The following DEUP1 variants were observed in gnomAD, a reference collection of about 807,000 sequenced individuals.
The protein encoded by DEUP1 is coiled-coil domain containing 67.
DEUP1 carries 82 observed loss-of-function variants against 87.4 expected under a neutral mutation model. That is an observed-to-expected ratio of 0.94 (90% confidence interval 0.78 to 1.13). The LOEUF is 1.13. Among genes scored for constraint, DEUP1 ranks in the 50% most tolerant of loss-of-function variants. The pLI, the probability that DEUP1 is intolerant of heterozygous loss-of-function variation, is 0.00. For missense variants in DEUP1, 663 were observed against 681.5 expected (o/e 0.97, Z 0.30); for synonymous variants, 214 against 222.7 (o/e 0.96, Z 0.35).
chr11:93,333,644 A>G (rs1943599900), intron 2 of DEUP1, among the ~76,000 whole-genome samples: 1 of 152,238 alleles, frequency 6.6e-6, no homozygotes. Context: ...CTGAAAAACT[A>G]GCATCCTCTA....
chr11:93,338,316 C>T (rs956430202), intron 2 of DEUP1, among the ~76,000 whole-genome samples: 1 of 151,570 alleles, frequency 6.6e-6, no homozygotes, highest in Non-Finnish European at 1.5e-5. Flanking sequence ...TCCAGGGGCC[C>T]TAGCTCTGTT....
chr11:93,354,170 C>T (rs1167588416), intron 2 of DEUP1, among the ~76,000 whole-genome samples: 1 of 152,168 alleles, frequency 6.6e-6, no homozygotes, highest in Non-Finnish European at 1.5e-5. Context: ...AATCATCTCT[C>T]TCAAGTTCAA....
chr11:93,408,586 T>C (rs2134419134), intron 12 of DEUP1, 159 bp downstream of exon 12: 1 of 480,002 alleles, frequency 2.1e-6, no homozygotes, highest in Non-Finnish European at 3.6e-6. Context: ...GCTAGATACA[T>C]TGCTTTATAA....
Position 93,408,388 on chromosome 11 carries a change from C to T in DEUP1, c.1484C>T (p.Ala495Val), listed in dbSNP as rs1344780207. The T allele has an allele frequency of 8.3e-6, 13 of 1,564,208 alleles. No individual in the cohort carries two copies. The highest frequency in any genetic ancestry group is 1.0e-5 in the Non-Finnish European group (12 of 1,154,640). ...QNTYEETGRY[A>V]YQSQIKVEQN... ...ACCTATGAAGAAACAGGAAGATATG[C>T]CTATCAAAGCCAAATAAAAGTGGAA... The change falls in exon 12 of 14, where the codon GCC becomes GTC. Residue 495 changes from alanine (A) to valine (V), a missense_variant. Transcript: ENST00000298050.
intron 7 of DEUP1, among the ~76,000 whole-genome samples, chr11:93,380,288 G>A (rs1005408704): frequency 1.3e-4 from 19 of 151,764 alleles, no homozygotes; most frequent in Non-Finnish European, 2.1e-4. Context: ...GATGTTTTCC[G>A]TAGCTAATAA....
At chr11:93,391,255 T>G (rs1479871128) in intron 9 of DEUP1, among the ~76,000 whole-genome samples, 1 of 152,226 alleles carries the variant, frequency 6.6e-6, no homozygotes, top group Admixed American at 6.5e-5. Context: ...ACATTTTCAA[T>G]AAACCAAAAG....
chr11:93,427,569 G>A (rs1234367577), intron 13 of DEUP1, among the ~76,000 whole-genome samples: 4 of 151,038 alleles, frequency 2.6e-5, no homozygotes, highest in Non-Finnish European at 5.9e-5. Flanking sequence ...GCATGGGCAA[G>A]GACTTCATGT....
At chr11:93,369,510 C>A (rs1195838475) in intron 5 of DEUP1, among the ~76,000 whole-genome samples, 3 of 150,884 alleles carry the variant, frequency 2.0e-5, no homozygotes, top group East Asian at 3.9e-4. Context: ...TGTTATAAGA[C>A]AGACTTTTTA....
At chr11:93,352,416 C>T (rs2134202838) in intron 2 of DEUP1, 1 of 702,112 alleles carries the variant, frequency 1.4e-6, no homozygotes, top group Admixed American at 2.0e-5. Flanking sequence ...GTAGTGAGAG[C>T]ACTTACCAAT....
Position 93,363,663 on chromosome 11 carries a change from G to A in DEUP1, c.298-497G>A, listed in dbSNP as rs969447828. Among the ~76,000 whole-genome samples the A allele has an allele frequency of 2.6e-5, 4 of 151,732 alleles. No individual in the cohort carries two copies. The East Asian group carries it at 7.7e-4, about 29-fold the overall frequency. On this transcript the variant is annotated intron_variant, in intron 4 of 13. Transcript: ENST00000298050. ...AGAATTATCATTAAGAAAAATATTA[G>A]ATCAATTTTGATATTAAAATTTATT...
intron 11 of DEUP1, among the ~76,000 whole-genome samples, chr11:93,407,203 A>G (rs892457636): frequency 1.4e-4 from 19 of 140,200 alleles, no homozygotes; most frequent in African/African-American, 4.6e-4. Context: ...AGTGTTAATT[A>G]TTTTGAAAAA....
chr11:93,339,837 G>A (rs1401526900), intron 2 of DEUP1, among the ~76,000 whole-genome samples: 2 of 152,168 alleles, frequency 1.3e-5, no homozygotes, highest in African/African-American at 4.8e-5. Context: ...CCACCCAGCA[G>A]TAATGAGGAG....
chr11:93,407,470 G>C (rs2134414127), intron 11 of DEUP1, among the ~76,000 whole-genome samples: 1 of 151,976 alleles, frequency 6.6e-6, no homozygotes, highest in Non-Finnish European at 1.5e-5. Context: ...ACATATGACT[G>C]TATATTGATT....
At chr11:93,353,796 A>T (rs376947835) in intron 2 of DEUP1, among the ~76,000 whole-genome samples, 54 of 152,294 alleles carry the variant, frequency 3.5e-4, no homozygotes, top group African/African-American at 1.2e-3. Context: ...AACACAGGGC[A>T]CCAAGTCCCT....
chr11:93,345,175 C>T (rs556073949), intron 2 of DEUP1, among the ~76,000 whole-genome samples: 8 of 152,272 alleles, frequency 5.3e-5, no homozygotes, highest in Non-Finnish European at 7.4e-5. Flanking sequence ...CATGTTACTG[C>T]AAAGGACATG....
rs185718614 is a variant in DEUP1 at position 93,368,792 on chromosome 11, C to T, written c.433-1281C>T. On this transcript the variant is annotated intron_variant, in intron 5 of 13. Coordinates refer to ENST00000298050, the MANE Select transcript of DEUP1 (RefSeq NM_181645.4). ...TCTACTAAAAATACAAAAAATTATC[C>T]GGGTGTAGTGGCACGTGACTGTAAT... Among the ~76,000 whole-genome samples, 175 of 152,046 alleles carry T rather than the reference C, an allele frequency of 1.2e-3. 1 individual carries two copies. The highest frequency in any genetic ancestry group is 1.6e-3 in the Non-Finnish European group (112 of 67,982).
intron 11 of DEUP1, among the ~76,000 whole-genome samples, chr11:93,400,407 G>A (rs1004450361): frequency 2.4e-5 from 3 of 127,552 alleles, no homozygotes; most frequent in African/African-American, 8.3e-5. Flanking sequence ...TCTTCATATG[G>A]ATTTCTCCCT....
At chr11:93,398,281 T>A (rs1334045202) in intron 11 of DEUP1, among the ~76,000 whole-genome samples, 1 of 152,148 alleles carries the variant, frequency 6.6e-6, no homozygotes, top group Admixed American at 6.5e-5. Context: ...TTCCATGGTG[T>A]GTATCAAAAT....
intron 5 of DEUP1, among the ~76,000 whole-genome samples, chr11:93,369,182 C>T (rs1236956482): frequency 6.6e-6 from 1 of 152,096 alleles, no homozygotes; most frequent in Non-Finnish European, 1.5e-5. Flanking sequence ...TCTCATAGCT[C>T]TTCTTATAAG....
Sources: gnomAD v4.1 joint callset for allele counts (sites outside exome capture counted in the v4.1 genomes callset) on GRCh38, gnomAD v4.1.1 for gene constraint, MANE v1.5 for transcripts, NCBI Gene and HGNC (gene_info 2026-07-23, HGNC 2026-07-21) for gene names.